Variants in PRORP observed in about 807,000 individuals in gnomAD.
The protein encoded by PRORP is protein only RNase P catalytic subunit.
Under a neutral mutation model 59.4 loss-of-function variants are expected in PRORP, and 51 were observed. The ratio of observed to expected loss-of-function variants is 0.86; its 90% confidence interval spans 0.69 to 1.08. The LOEUF is 1.08. Among genes scored for constraint, PRORP ranks in the 50% least tolerant of loss-of-function variants. The pLI, the probability that PRORP is intolerant of heterozygous loss-of-function variation, is 0.00. For synonymous variants in PRORP, 231 were observed against 245.6 expected (o/e 0.94, Z 0.55); for missense variants, 646 against 690.3 (o/e 0.94, Z 0.72).
In PRORP at chr14:35,122,998, C is replaced by T. The variant is rs1256854625; in HGVS notation, c.-248C>T. On this transcript the variant is annotated 5_prime_UTR_variant, in exon 2 of 8. Coordinates refer to ENST00000534898, the MANE Select transcript of PRORP (RefSeq NM_014672.4). ...AGGCACCAGAGGATTCCTGCTCTGT[C>T]CCCTGGTTTGCGGCTTGCGACGTTG... 4 of 498,706 alleles carry T rather than the reference C, an allele frequency of 8.0e-6. No individual in the cohort carries two copies. The highest frequency in any genetic ancestry group is 1.4e-5 in the Non-Finnish European group (4 of 276,712). The allele number at this position is 498,706 out of a possible 1,614,324, so 30.9% of individuals were successfully genotyped here.
At chr14:35,242,390 G>A (rs1266089159) in intron 5 of PRORP, among the ~76,000 whole-genome samples, 1 of 152,100 alleles carries the variant, frequency 6.6e-6, no homozygotes, top group Non-Finnish European at 1.5e-5. Context: ...TGGGGTTACT[G>A]TATGTTCTGC....
At chr14:35,133,978 C>T (rs1259140755) in intron 4 of PRORP, among the ~76,000 whole-genome samples, 1 of 152,208 alleles carries the variant, frequency 6.6e-6, no homozygotes, top group African/African-American at 2.4e-5. Context: ...TAACTACTCC[C>T]TGGCTACTGT....
At chr14:35,136,360 A>G (rs540810935) in intron 4 of PRORP, among the ~76,000 whole-genome samples, 1 of 126,446 alleles carries the variant, frequency 7.9e-6, no homozygotes, top group South Asian at 2.6e-4. Flanking sequence ...ATATCCGACA[A>G]CGGGTTTTTT....
At chr14:35,267,235 A>G (rs1455936590) in intron 6 of PRORP, among the ~76,000 whole-genome samples, 2 of 152,216 alleles carry the variant, frequency 1.3e-5, no homozygotes, top group Non-Finnish European at 2.9e-5. Flanking sequence ...GAGAAAGAGC[A>G]GTGAAAAAGA....
intron 5 of PRORP, among the ~76,000 whole-genome samples, chr14:35,183,947 G>C (rs974221170): frequency 2.6e-5 from 4 of 152,150 alleles, no homozygotes; most frequent in Middle Eastern, 3.4e-3. Context: ...TTACCTATAA[G>C]TGTACATAAA....
intron 5 of PRORP, among the ~76,000 whole-genome samples, chr14:35,201,566 TTTA>T (rs146676655): frequency 0.76 from 115,138 of 151,288 alleles, 43,916 homozygotes; most frequent in Middle Eastern, 0.82. Flanking sequence ...TTTTTGTTTC[TTTA>T]TTATTTTTTT....
At chr14:35,239,597 A>G (rs1266924877) in intron 5 of PRORP, among the ~76,000 whole-genome samples, 1 of 152,218 alleles carries the variant, frequency 6.6e-6, no homozygotes, top group Non-Finnish European at 1.5e-5. Flanking sequence ...AATTTTAGAA[A>G]CAAGATTCTC....
At chr14:35,198,171 A>C (rs540844723) in intron 5 of PRORP, among the ~76,000 whole-genome samples, 5 of 152,368 alleles carry the variant, frequency 3.3e-5, no homozygotes, top group Admixed American at 2.0e-4. Flanking sequence ...TATTTCCACT[A>C]TAAGACTCAT....
At chr14:35,265,913 C>T (rs1486865323) in intron 5 of PRORP, among the ~76,000 whole-genome samples, 4 of 151,572 alleles carry the variant, frequency 2.6e-5, no homozygotes, top group Non-Finnish European at 5.9e-5. Flanking sequence ...CAGTGGCTCA[C>T]ACCTGTAATC....
intron 4 of PRORP, among the ~76,000 whole-genome samples, chr14:35,140,053 C>A (rs1013618348): frequency 1.4e-5 from 2 of 145,744 alleles, no homozygotes; most frequent in Non-Finnish European, 3.1e-5. Context: ...CCTAATCTAG[C>A]ATGACCTTGT....
At chr14:35,245,607 T>G (rs2050464367) in intron 5 of PRORP, among the ~76,000 whole-genome samples, 1 of 152,124 alleles carries the variant, frequency 6.6e-6, no homozygotes, top group Non-Finnish European at 1.5e-5. Flanking sequence ...ATTGTGCCAC[T>G]TGCACTGCAG....
chr14:35,188,729 G>A (rs942101031), intron 5 of PRORP, among the ~76,000 whole-genome samples: 1 of 151,734 alleles, frequency 6.6e-6, no homozygotes, highest in Admixed American at 6.6e-5. Context: ...TGTAATCCCA[G>A]AACTTTGGGA....
At chr14:35,205,932 G>A (rs2049281653) in intron 5 of PRORP, among the ~76,000 whole-genome samples, 1 of 152,112 alleles carries the variant, frequency 6.6e-6, no homozygotes, top group Non-Finnish European at 1.5e-5. Context: ...CCCCTCCTAT[G>A]TTCTCTCTAA....
At chr14:35,132,131 G>A (rs1379942182) in intron 4 of PRORP, among the ~76,000 whole-genome samples, 1 of 151,704 alleles carries the variant, frequency 6.6e-6, no homozygotes, top group African/African-American at 2.4e-5. Context: ...GAGCCACTGC[G>A]CCCAGCCCCA....
intron 5 of PRORP, among the ~76,000 whole-genome samples, chr14:35,217,131 A>G (rs1220138859): frequency 6.6e-6 from 1 of 152,152 alleles, no homozygotes; most frequent in Non-Finnish European, 1.5e-5. Context: ...TTGAAGCACA[A>G]AAGTTTTTAA....
At chr14:35,211,093 A>G (rs528751414) in intron 5 of PRORP, among the ~76,000 whole-genome samples, 5 of 152,230 alleles carry the variant, frequency 3.3e-5, no homozygotes, top group Admixed American at 3.3e-4. Flanking sequence ...TCTTTAGTAA[A>G]GCAAATTACT....
intron 5 of PRORP, among the ~76,000 whole-genome samples, chr14:35,233,210 C>G (rs1360937044): frequency 6.7e-6 from 1 of 149,758 alleles, no homozygotes; most frequent in Non-Finnish European, 1.5e-5. Context: ...AGAAAACTCC[C>G]TTCACTCATG....
rs1441652965 is a variant in PRORP, at chr14:35,265,206, AAAATAAATACC to A, written c.1276-1520_1276-1510del. On this transcript the variant is annotated intron_variant, in intron 5 of 7. Coordinates refer to ENST00000534898, the MANE Select transcript of PRORP (RefSeq NM_014672.4). ...CTTATGAGTAAAGAGAAGCTAGACT[AAAATAAATACC>A]TTTTCCAACCAAGACCCAAGAAAAT... is the stretch of plus-strand genomic sequence containing the variant. Among the ~76,000 whole-genome samples, 3 of 152,194 alleles carry A rather than the reference AAAATAAATACC, an allele frequency of 2.0e-5. No homozygotes were observed. In the East Asian group the frequency reaches 5.8e-4, roughly 29 times the overall value.
intron 5 of PRORP, chr14:35,219,183 C>T (rs2049702949): frequency 6.6e-6 from 1 of 152,142 alleles, no homozygotes; most frequent in South Asian, 2.1e-4. Flanking sequence ...TAGGGCACGC[C>T]CAGCCAGTAA....
Sources: allele counts gnomAD v4.1 joint callset (sites outside exome capture counted in the v4.1 genomes callset), GRCh38; gene constraint gnomAD v4.1.1; transcripts MANE v1.5; gene names NCBI Gene and HGNC (gene_info 2026-07-23, HGNC 2026-07-21).